PDILT: variants seen among roughly 807,000 people sequenced by gnomAD.
PDILT encodes the protein protein disulfide-isomerase-like protein of the testis.
Under a neutral mutation model 53.7 loss-of-function variants are expected in PDILT, and 43 were observed. The observed-to-expected ratio is 0.80, with a 90% CI of 0.63 to 1.03. The LOEUF (loss-of-function observed/expected upper bound fraction) is 1.03. Among genes scored for constraint, PDILT ranks in the 50% least tolerant of loss-of-function variants. The probability of loss-of-function intolerance (pLI) is 0.00; values close to 1 mark genes in which losing one functional copy is unlikely to be tolerated. For missense variants in PDILT, 727 were observed against 712.3 expected, an observed-to-expected ratio of 1.02 and a Z score of -0.24; for synonymous variants, 282 against 274.2, an observed-to-expected ratio of 1.03 and a Z score of -0.28.
intron 5 of PDILT, among the ~76,000 whole-genome samples, chr16:20,374,197 C>T (rs975190459): frequency 1.3e-5 from 2 of 151,780 alleles, no homozygotes; most frequent in African/African-American, 4.8e-5. Flanking sequence ...TCATTTTATA[C>T]TGTTGATCTA....
At chr16:20,401,597 T>C (rs1006491133) in intron 1 of PDILT, among the ~76,000 whole-genome samples, 1 of 152,178 alleles carries the variant, frequency 6.6e-6, no homozygotes, top group Non-Finnish European at 1.5e-5. Flanking sequence ...TCAAGGGGCC[T>C]TCAGAGAAGA....
chr16:20,397,938 A>T (rs1389216001), intron 2 of PDILT, among the ~76,000 whole-genome samples: 3 of 152,094 alleles, frequency 2.0e-5, no homozygotes, highest in African/African-American at 7.2e-5. Flanking sequence ...CAGTGTTCAC[A>T]CCTGCGGTCT....
Position 20,400,056 on chromosome 16 carries a change from A to ATC in PDILT, c.-7-750_-7-749insGA, listed in dbSNP as rs1293000749. 7.5e-3 allele frequency among the ~76,000 whole-genome samples: 626 copies of ATC among 83,500 alleles called. 3 individuals are homozygous for ATC. Among genetic ancestry groups the ATC allele is most frequent in the Middle Eastern group, 0.012 (2 of 170 alleles). 54.8% of individuals were successfully genotyped at this position (83,500 alleles called of 152,430 possible). ...TATCTATCTATCTATCTATCTATCT[A>ATC]TATATATATATATATATTTTTTGAG... On this transcript the variant is annotated intron_variant, in intron 1 of 11. Transcript: ENST00000302451.
At chr16:20,393,927 A>T (rs1385801338) in intron 2 of PDILT, among the ~76,000 whole-genome samples, 1 of 152,194 alleles carries the variant, frequency 6.6e-6, no homozygotes, top group East Asian at 1.9e-4. Flanking sequence ...TAACTGTGAC[A>T]TGTTTCATTT....
At chr16:20,397,895 C>G (rs912918957) in intron 2 of PDILT, among the ~76,000 whole-genome samples, 1 of 152,150 alleles carries the variant, frequency 6.6e-6, no homozygotes, top group African/African-American at 2.4e-5. Flanking sequence ...CAGCAATTTT[C>G]CAGGAGTGGC....
rs1413666805 is a variant in PDILT, at chr16:20,376,059, T to C, written c.543+9A>G. 3 of 1,613,958 alleles carry C rather than the reference T, an allele frequency of 1.9e-6. No individual in the cohort carries two copies. Among genetic ancestry groups the C allele is most frequent in the Middle Eastern group, 1.6e-4 (1 of 6,062 alleles). Reference sequence around the variant, plus strand: ...TTGAAAGCCTCCTCCCACCTCTTGGTCCCAGTACCTGGAAGAAGCCAACGA... The same window carrying C: ...TTGAAAGCCTCCTCCCACCTCTTGGCCCCAGTACCTGGAAGAAGCCAACGA... On this transcript the variant is annotated intron_variant, in intron 4 of 11. Transcript: ENST00000302451.
At chr16:20,401,904 T>C (rs1266769799) in intron 1 of PDILT, among the ~76,000 whole-genome samples, 6 of 152,358 alleles carry the variant, frequency 3.9e-5, no homozygotes, top group Admixed American at 2.0e-4. Flanking sequence ...CCTGCTAACC[T>C]GGGCAGGCTG....
intron 2 of PDILT, among the ~76,000 whole-genome samples, chr16:20,397,395 G>T (rs1205023370): frequency 6.6e-6 from 1 of 152,010 alleles, no homozygotes; most frequent in African/African-American, 2.4e-5. Flanking sequence ...TTCCCACCTC[G>T]GCCTCCCAAA....
intron 1 of PDILT, among the ~76,000 whole-genome samples, chr16:20,401,919 A>C (rs755634711): frequency 2.0e-5 from 3 of 152,240 alleles, no homozygotes; most frequent in Non-Finnish European, 4.4e-5. Flanking sequence ...AGGCTGGATC[A>C]TAAGCCTCAA....
intron 1 of PDILT, among the ~76,000 whole-genome samples, chr16:20,401,299 GT>G (rs761945545): frequency 3.3e-5 from 5 of 152,188 alleles, no homozygotes; most frequent in Admixed American, 6.5e-5. Context: ...TAGAACCCTT[GT>G]TCTTAGAAAT....
chr16:20,398,729 C>T (rs1459735448), intron 2 of PDILT, among the ~76,000 whole-genome samples: 3 of 152,202 alleles, frequency 2.0e-5, no homozygotes, highest in African/African-American at 7.2e-5. Flanking sequence ...GAACTTATCA[C>T]ATCTCATTTA....
chr16:20,382,113 G>A (rs1966468880), intron 3 of PDILT, among the ~76,000 whole-genome samples: 1 of 152,074 alleles, frequency 6.6e-6, no homozygotes, highest in Non-Finnish European at 1.5e-5. Flanking sequence ...TGACCAGGCT[G>A]GTCTCAAACT....
rs548410088 is a variant in PDILT at position 20,381,307 on chromosome 16, A to G, written c.409+3338T>C. On this transcript the variant is annotated intron_variant, in intron 3 of 11. Coordinates refer to ENST00000302451, the MANE Select transcript of PDILT (RefSeq NM_174924.2). ...CTCTCAGCTCAGAGGAGCCCTGGCA[A>G]GTAGGCAGAACTGGCCTTACTCATC... is the stretch of plus-strand genomic sequence containing the variant. Among the ~76,000 whole-genome samples the G allele has an allele frequency of 1.2e-4, 19 of 152,310 alleles. No homozygotes were observed. The South Asian group carries it at 2.1e-3, about 17-fold the overall frequency.
At chr16:20,402,057 T>A (rs1966748661) in intron 1 of PDILT, among the ~76,000 whole-genome samples, 1 of 152,234 alleles carries the variant, frequency 6.6e-6, no homozygotes. Context: ...CAGCCACAGC[T>A]CCTCTTTACT....
rs774065475 is a variant in PDILT at position 20,374,824 on chromosome 16, T to A, written c.679A>T (p.Lys227Ter). The A allele has an allele frequency of 1.7e-5, 28 of 1,611,722 alleles. No individual in the cohort carries two copies. In the South Asian group the frequency reaches 2.9e-4, roughly 17 times the overall value. ...VTLDSVLVFKKGKIVNRQKLI... is the reference protein window; with the variant it reads ...VTLDSVLVFK Reference sequence around the variant, plus strand: ...TAGCAATAGGATCAAAATCCTACCTTTTTGAACACCAGGACGCTGTCAAGG... The same window carrying A: ...TAGCAATAGGATCAAAATCCTACCTATTTGAACACCAGGACGCTGTCAAGG... Residue 227 changes from lysine to a stop codon, truncating the protein, a stop_gained and splice_region_variant, in exon 5 of 12, where the codon AAG becomes TAG. Coordinates refer to ENST00000302451, the MANE Select transcript of PDILT (RefSeq NM_174924.2). LOFTEE classifies it high-confidence loss of function.
intron 2 of PDILT, among the ~76,000 whole-genome samples, chr16:20,386,843 C>A (rs558183524): frequency 3.3e-5 from 5 of 152,326 alleles, no homozygotes; most frequent in South Asian, 2.1e-4. Context: ...ACATAGAATC[C>A]GAATCTGAGT....
rs945493657 is a variant in PDILT at position 20,360,815 on chromosome 16, G to A, written c.1417-158C>T. 1.1e-4 allele frequency among the ~76,000 whole-genome samples: 17 copies of A among 152,290 alleles called. 1 individual carries two copies. Among genetic ancestry groups the A allele is most frequent in the South Asian group, 8.3e-4 (4 of 4,818 alleles). On this transcript the variant is annotated intron_variant, in intron 10 of 11. Transcript: ENST00000302451. ...TTAGCCTCCAGTGCCATGGTTCCAA[G>A]GGAAGGATAATAAAAATGCTTCTGA...
At chr16:20,397,384 C>A (rs1966674802) in intron 2 of PDILT, among the ~76,000 whole-genome samples, 1 of 152,104 alleles carries the variant, frequency 6.6e-6, no homozygotes, top group Non-Finnish European at 1.5e-5. Flanking sequence ...CTCAAGAGAG[C>A]TTCCCACCTC....
intron 3 of PDILT, 59 bp downstream of exon 3, chr16:20,384,586 T>C (rs9926996): frequency 0.12 from 188,096 of 1,598,162 alleles, 12,571 homozygotes; most frequent in African/African-American, 0.27. Context: ...CTTTACCCTA[T>C]AGCTGTTAAG....
Sources: allele counts gnomAD v4.1 joint callset (sites outside exome capture counted in the v4.1 genomes callset), GRCh38; gene constraint gnomAD v4.1.1; transcripts MANE v1.5; gene names NCBI Gene and HGNC (gene_info 2026-07-23, HGNC 2026-07-21).